Variants in TDRD12 observed in about 807,000 individuals in gnomAD.
The protein encoded by TDRD12 is tudor domain containing 12, also known as putative ATP-dependent RNA helicase TDRD12.
A neutral mutation model predicts 133.5 loss-of-function variants in TDRD12; 158 were observed. The observed-to-expected ratio is 1.18, with a 90% CI of 1.04 to 1.35. TDRD12 has a LOEUF of 1.35. Ranked by LOEUF, TDRD12 falls within the 40% of genes most tolerant of loss-of-function variation. The pLI is 0.00. For synonymous variants in TDRD12, 460 were observed against 477.9 expected, an observed-to-expected ratio of 0.96 and a Z score of 0.49; for missense variants, 1,443 against 1,321.3, an observed-to-expected ratio of 1.09 and a Z score of -1.43.
chr19:32,798,185 G>A, intron 15 of TDRD12, 123 bp from the exon 16 acceptor site: 1 of 930,390 alleles, frequency 1.1e-6, no homozygotes, highest in Non-Finnish European at 1.6e-6. Flanking sequence ...GGGTTGACTA[G>A]GACAGAAACA....
chr19:32,773,666 C>A (rs989635642), intron 10 of TDRD12, 134 bp downstream of exon 10: 3 of 633,042 alleles, frequency 4.7e-6, no homozygotes, highest in Non-Finnish European at 8.4e-6. Context: ...CCACTGTACT[C>A]CAGCCTGGGT....
intron 16 of TDRD12, 78 bp from the exon 17 acceptor site, chr19:32,800,089 C>A: frequency 1.2e-6 from 1 of 863,830 alleles, no homozygotes; most frequent in Non-Finnish European, 1.7e-6. Context: ...AATATACAAA[C>A]CCTTACATTT....
downstream of TDRD12, among the ~76,000 whole-genome samples, chr19:32,822,288 C>G (rs1329728730): frequency 6.6e-6 from 1 of 151,890 alleles, no homozygotes; most frequent in Non-Finnish European, 1.5e-5. Flanking sequence ...AAATATTAGC[C>G]AGCTGTGGTG....
chr19:32,728,418 G>A (rs1181901556), intron 1 of TDRD12, among the ~76,000 whole-genome samples: 1 of 152,040 alleles, frequency 6.6e-6, no homozygotes, highest in Non-Finnish European at 1.5e-5. Flanking sequence ...ATTTATTTAT[G>A]TCTTCTTTAA....
exon 23 of TDRD12, chr19:32,810,118 C>A (rs1351977619): frequency 2.6e-6 from 4 of 1,523,158 alleles, no homozygotes; most frequent in African/African-American, 1.4e-5. Context: ...ATTTTGAATG[C>A]AACAAATTAC....
In TDRD12 at chr19:32,803,150, A is replaced by G. The variant is rs1971450474; in HGVS notation, c.2552+8A>G. 2 of 1,506,734 alleles carry G rather than the reference A, an allele frequency of 1.3e-6. No homozygotes were observed. The highest frequency in any genetic ancestry group is 4.9e-5 in the East Asian group (2 of 40,754). The allele number at this position is 1,506,734 out of a possible 1,614,324, so 93.3% of individuals were successfully genotyped here. ...GGCTTTTGGTTTTTGCAAGTGAGCC[A>G]GTAATTTGTTTCTTATTAAACTGAT... On this transcript the variant is annotated splice_region_variant and intron_variant, in intron 21 of 27. Transcript: ENST00000444215.
chr19:32,751,341 G>A lies in TDRD12; in HGVS notation c.582+1472G>A, dbSNP rs555044968. Among the ~76,000 whole-genome samples, 5 of 152,206 alleles carry A rather than the reference G, an allele frequency of 3.3e-5. No homozygotes were observed. The South Asian group carries it at 8.3e-4, about 25-fold the overall frequency. ...GTGTGTATGTACCACATTTTGTGAT[G>A]TGGATGTTGATCACCTGGTTAATGT... On this transcript the variant is annotated intron_variant, in intron 6 of 27. Coordinates refer to ENST00000444215, the Ensembl canonical transcript of TDRD12.
At position 32,773,405 on chromosome 19, in the gene TDRD12, A is replaced by G. The variant is rs945510853; in HGVS notation, c.964-51A>G. On this transcript the variant is annotated intron_variant, in intron 9 of 27. Transcript: ENST00000444215. The stretch of plus-strand genomic sequence containing the variant: ...GAATTTTGGTTCCAAAAGAATGTAT[A>G]TTATGTTGCTAGCATACACATTCTT... 4.0e-6 allele frequency: 6 copies of G among 1,482,556 alleles called. No individual in the cohort carries two copies. The African/African-American group carries it at 7.0e-5, about 17-fold the overall frequency. The allele number at this position is 1,482,556 out of a possible 1,614,324, so 91.8% of individuals were successfully genotyped here. A position where few individuals can be genotyped will look rare whatever the true frequency, so the allele number is the denominator to read the frequency against.
At chr19:32,763,542 T>C (rs1460982368) in intron 8 of TDRD12, among the ~76,000 whole-genome samples, 1 of 152,214 alleles carries the variant, frequency 6.6e-6, no homozygotes, top group Non-Finnish European at 1.5e-5. Flanking sequence ...TCTGGTTCAA[T>C]AGTTTCTCCT....
At chr19:32,720,778 A>C (rs1397921267) in intron 1 of TDRD12, among the ~76,000 whole-genome samples, 1 of 40,480 alleles carries the variant, frequency 2.5e-5, no homozygotes, top group Non-Finnish European at 4.8e-5. Context: ...GCCGCAGCCC[A>C]CCCCACCTCC....
At chr19:32,731,675 AC>A in intron 1 of TDRD12, 49 bp from the exon 2 acceptor site, 1 of 1,428,438 alleles carries the variant, frequency 7.0e-7, no homozygotes, top group Non-Finnish European at 9.2e-7. Flanking sequence ...ATTTTGTGGT[AC>A]TACTTTTAAA....
rs565546370 is a variant in TDRD12, at chr19:32,747,424, C to G, written c.441-1052C>G. On this transcript the variant is annotated intron_variant, in intron 4 of 27. Coordinates refer to ENST00000444215, the Ensembl canonical transcript of TDRD12. Reference sequence around the variant, plus strand: ...TTTGAGTAATGATTATGTCCAGGCACTGGGCTAAGTGTTCTATGTACATTA... The same window carrying G: ...TTTGAGTAATGATTATGTCCAGGCAGTGGGCTAAGTGTTCTATGTACATTA... 2.6e-5 allele frequency among the ~76,000 whole-genome samples: 4 copies of G among 152,242 alleles called. No individual in the cohort carries two copies. The East Asian group carries it at 7.7e-4, about 29-fold the overall frequency.
exon 17 of TDRD12, chr19:32,800,348 A>G (rs1201513118): frequency 4.6e-6 from 7 of 1,514,586 alleles, no homozygotes; most frequent in Non-Finnish European, 5.3e-6. Context: ...CTCTATGGCA[A>G]TGTCCAACAG....
At chr19:32,800,242 G>T (rs1455725501) in exon 17 of TDRD12, 3 of 1,534,948 alleles carry the variant, frequency 2.0e-6, no homozygotes, top group Non-Finnish European at 2.6e-6. Flanking sequence ...TCAGATTGTT[G>T]CAGTTGGAGT....
At chr19:32,822,746 C>CAAA (rs61143161), downstream of TDRD12, among the ~76,000 whole-genome samples, 2,389 of 139,800 alleles carry the variant, frequency 0.017, 34 homozygotes, top group Non-Finnish European at 0.023. Flanking sequence ...GACTCCATCT[C>CAAA]AAAAAAAAAA....
At chr19:32,820,723 C>T (rs1230501857) in intron 27 of TDRD12, among the ~76,000 whole-genome samples, 3 of 152,154 alleles carry the variant, frequency 2.0e-5, no homozygotes, top group Non-Finnish European at 4.4e-5. Context: ...AAGCAGGAAA[C>T]TGGCTTGTCA....
At chr19:32,826,030 A>ATG, downstream of TDRD12, 1 of 1,190,256 alleles carries the variant, frequency 8.4e-7, no homozygotes, top group South Asian at 1.3e-5. Flanking sequence ...AAGTATATAT[A>ATG]TATGTGTGTA....
At chr19:32,812,907 C>T (rs1266944509) in intron 24 of TDRD12, among the ~76,000 whole-genome samples, 4 of 152,094 alleles carry the variant, frequency 2.6e-5, no homozygotes, top group Admixed American at 1.3e-4. Context: ...CATGGTGGCT[C>T]ACACCTATAA....
At position 32,767,668 on chromosome 19, in the gene TDRD12, G is replaced by T. The variant is rs183556676; in HGVS notation, c.866-5085G>T. ...TATTTATCACTGTATCTCCCTTCCA[G>T]CTAGCTGGGGGGCAGGGAGAAGAGG... On this transcript the variant is annotated intron_variant, in intron 8 of 27. Coordinates refer to ENST00000444215, the Ensembl canonical transcript of TDRD12. 3.1e-3 allele frequency among the ~76,000 whole-genome samples: 473 copies of T among 152,278 alleles called. 2 individuals carry two copies. Among genetic ancestry groups the T allele is most frequent in the African/African-American group, 0.01 (435 of 41,546 alleles).
Sources: allele counts gnomAD v4.1 joint callset (sites outside exome capture counted in the v4.1 genomes callset), GRCh38; gene constraint gnomAD v4.1.1; transcripts MANE v1.5; gene names NCBI Gene and HGNC (gene_info 2026-07-23, HGNC 2026-07-21).